Variants in RIF1 observed in about 807,000 individuals in gnomAD.
RIF1 encodes replication timing regulatory factor 1, also known as telomere-associated protein RIF1.
Under a neutral mutation model 247.1 loss-of-function variants are expected in RIF1, and 45 were observed. The ratio of observed to expected loss-of-function variants is 0.18; its 90% CI spans 0.14 to 0.23. The LOEUF (loss-of-function observed/expected upper bound fraction) is 0.23. RIF1 is among the 10% of genes least tolerant of loss of function. The probability of loss-of-function intolerance (pLI) is 1.00; values close to 1 mark genes in which losing one functional copy is unlikely to be tolerated. For synonymous variants in RIF1, 1,087 were observed against 978.8 expected (o/e 1.11, Z -2.06); for missense variants, 2,967 against 2,862.5 (o/e 1.04, Z -0.83).
At chr2:151,504,187 G>A (rs903603365) in intron 12 of RIF1, among the ~76,000 whole-genome samples, 25 of 152,080 alleles carry the variant, frequency 1.6e-4, no homozygotes, top group Non-Finnish European at 1.2e-4. Flanking sequence ...GGATTCCCTG[G>A]TGTATTAGTG....
chr2:151,521,821 T>G, the RIF1 span, among the ~76,000 whole-genome samples: 1 of 152,248 alleles, frequency 6.6e-6, no homozygotes, highest in Admixed American at 6.5e-5. Flanking sequence ...TGCAGCTTTT[T>G]ACAACTACTA....
chr2:151,410,173 C>T, intron 1 of RIF1, 140 bp downstream of exon 1: 1 of 648,218 alleles, frequency 1.5e-6, no homozygotes, highest in Non-Finnish European at 2.8e-6. Flanking sequence ...TGAAAGCTGC[C>T]CGGGAAAGTG....
At chr2:151,507,173 A>C in intron 13 of RIF1, 1 of 561,986 alleles carries the variant, frequency 1.8e-6, no homozygotes, top group Non-Finnish European at 3.1e-6. Context: ...ATTTGATAAG[A>C]ATTTTGTGGA....
At chr2:151,460,831 T>C (rs1194717450) in intron 26 of RIF1, among the ~76,000 whole-genome samples, 1 of 152,222 alleles carries the variant, frequency 6.6e-6, no homozygotes, top group African/African-American at 2.4e-5. Flanking sequence ...GCTGCAAATA[T>C]ACTCTCCTCC....
At chr2:151,412,867 C>G (rs1012870989) in intron 3 of RIF1, among the ~76,000 whole-genome samples, 1 of 152,118 alleles carries the variant, frequency 6.6e-6, no homozygotes, top group Non-Finnish European at 1.5e-5. Context: ...ACTGCCTACT[C>G]TTGGTGGTGT....
At position 151,465,257 on chromosome 2, in the gene RIF1, A is replaced by G. The variant is rs1342565404; in HGVS notation, c.5737A>G (p.Lys1913Glu). The G allele has an allele frequency of 6.2e-7, 1 of 1,611,184 alleles. No homozygotes were observed. The highest frequency in any genetic ancestry group is 1.3e-5 in the African/African-American group (1 of 74,696). Residue 1913 changes from lysine to glutamate, a missense_variant, in exon 30 of 36, where the codon AAA becomes GAA. By Grantham distance (56) the Lys-to-Glu change is moderately conservative. Around this residue, in one of 7 missense-constraint regions of RIF1, gnomAD observed 2,028 missense variants for 1,825.6 expected, o/e 1.11. Coordinates refer to ENST00000444746, the MANE Select transcript of RIF1 (RefSeq NM_018151.5). Reference protein sequence around the residue: ...ACKVTESNLEKAKTMELNVGN... With the variant: ...ACKVTESNLEEAKTMELNVGN... The stretch of plus-strand genomic sequence containing the variant: ...TAAAGTAACAGAATCCAATCTAGAG[A>G]AAGCAAAAACTATGGAATTGAATGT...
At chr2:151,412,694 G>C in intron 3 of RIF1, among the ~76,000 whole-genome samples, 1 of 152,064 alleles carries the variant, frequency 6.6e-6, no homozygotes, top group South Asian at 2.1e-4. Context: ...TGTTGACCAG[G>C]CTGATCTTGA....
intron 7 of RIF1, among the ~76,000 whole-genome samples, chr2:151,422,580 A>C (rs1477673762): frequency 6.6e-6 from 1 of 151,270 alleles, no homozygotes; most frequent in Non-Finnish European, 1.5e-5. Flanking sequence ...GCTCTCTGCA[A>C]CCTCCACCTC....
intron 25 of RIF1, 53 bp downstream of exon 25, chr2:151,458,963 T>C: frequency 9.2e-7 from 1 of 1,089,050 alleles, no homozygotes; most frequent in East Asian, 2.5e-5. Context: ...AAGTTATTTG[T>C]TGAAAGTTAT....
chr2:151,485,685 C>T, downstream of RIF1: 8 of 1,388,686 alleles, frequency 5.8e-6, no homozygotes, highest in African/African-American at 1.4e-5. Context: ...ACTTAGGTAA[C>T]AGTGGAGAGT....
intron 11 of RIF1, among the ~76,000 whole-genome samples, chr2:151,500,066 T>G (rs2063258365): frequency 6.6e-6 from 1 of 152,322 alleles, no homozygotes; most frequent in Admixed American, 6.5e-5. Flanking sequence ...TGAAAATCGT[T>G]GCAAGCCTTT....
chr2:151,524,510 C>G, the RIF1 span: 1 of 1,613,880 alleles, frequency 6.2e-7, no homozygotes, highest in Non-Finnish European at 8.5e-7. Flanking sequence ...TCATGACACC[C>G]TTACCTCACT....
rs753984498 is a variant in RIF1 at position 151,463,698 on chromosome 2, T to C, written c.4178T>C (p.Ile1393Thr). 3.1e-6 allele frequency: 5 copies of C among 1,613,808 alleles called. No homozygotes were observed. In the East Asian group the frequency reaches 1.1e-4, roughly 36 times the overall value. Residue 1393 changes from isoleucine (I) to threonine (T), a missense_variant, in exon 30 of 36, where the codon ATA (isoleucine) becomes ACA (threonine). This residue lies in a region of RIF1 where 2,028 missense variants were observed against 1,825.6 expected (regional missense o/e 1.11). Coordinates refer to ENST00000444746, the MANE Select transcript of RIF1 (RefSeq NM_018151.5). ...ESKENTPPVVISADQMVNEDS... is the reference protein window; with the variant it reads ...ESKENTPPVVTSADQMVNEDS... ...AAAGAGAATACACCCCCAGTAGTAATATCAGCAGATCAAATGGTAAATGAG... is the reference window on the plus strand; with the variant it reads ...AAAGAGAATACACCCCCAGTAGTAACATCAGCAGATCAAATGGTAAATGAG...
In RIF1 at chr2:151,469,698, C is replaced by A; in HGVS notation, c.6942-13C>A. On this transcript the variant is annotated splice_polypyrimidine_tract_variant and intron_variant, in intron 33 of 35. Coordinates refer to ENST00000444746, the MANE Select transcript of RIF1 (RefSeq NM_018151.5). ...ACTATATAATTATAATTTCCTGTTT[C>A]TGTTTTGTTTAGGGCAAGAGGCCTG... is the stretch of plus-strand genomic sequence containing the variant. The A allele has an allele frequency of 6.6e-7, 1 of 1,507,862 alleles. No homozygotes were observed. The highest frequency in any genetic ancestry group is 1.8e-4 in the Middle Eastern group (1 of 5,408). The allele number at this position is 1,507,862 out of a possible 1,614,324, so 93.4% of individuals were successfully genotyped here. A position where few individuals can be genotyped will look rare whatever the true frequency, so the allele number is the denominator to read the frequency against.
intron 9 of RIF1, chr2:151,493,848 AG>A: frequency 6.4e-7 from 1 of 1,572,992 alleles, no homozygotes; most frequent in Non-Finnish European, 8.6e-7. Flanking sequence ...TGCTTTCCCC[AG>A]GTTCTCTTTG....
At chr2:151,531,061 C>A in the RIF1 span, 3 of 1,613,474 alleles carry the variant, frequency 1.9e-6, no homozygotes, top group South Asian at 3.3e-5. Context: ...TGTGGTGTAG[C>A]CTCTGGGTTT....
At position 151,480,783 on chromosome 2, in the gene RIF1, T is replaced by C. The variant is rs928397386; in HGVS notation, c.*5712T>C. 6.6e-6 allele frequency: 1 copy of C among 152,166 alleles called. No homozygotes were observed. The highest frequency in any genetic ancestry group is 1.5e-5 in the Non-Finnish European group (1 of 68,020). The allele number at this position is 152,166 out of a possible 1,614,324, so 9.4% of individuals were successfully genotyped here. A position where few individuals can be genotyped will look rare whatever the true frequency, so the allele number is the denominator to read the frequency against. On this transcript the variant is annotated 3_prime_UTR_variant, in exon 36 of 36. Coordinates refer to ENST00000444746, the MANE Select transcript of RIF1 (RefSeq NM_018151.5). ...TAAAGAATTTTTTATTTTTATAGAA[T>C]AGGAAGTTTCTAAAAGAAAACAATT... is the stretch of plus-strand genomic sequence containing the variant.
At chr2:151,519,803 G>A in the RIF1 span, 1 of 1,384,604 alleles carries the variant, frequency 7.2e-7, no homozygotes, top group Non-Finnish European at 1.0e-6. Context: ...ATTATTCCTG[G>A]ACATCAATCA....
Position 151,461,236 on chromosome 2 carries a change from TGCAAAG to T in RIF1, c.3176_3181del (p.Ala1059_Lys1060del). On this transcript the variant is annotated inframe_deletion, in exon 27 of 36. Coordinates refer to ENST00000444746, the MANE Select transcript of RIF1 (RefSeq NM_018151.5). ...TGTTTATACCTCCAGAAGGAAAAGA[TGCAAAG>T]GAAAGAATATTAACTGATCATCAAA... 1 of 1,613,640 alleles carries T rather than the reference TGCAAAG, an allele frequency of 6.2e-7. No individual in the cohort carries two copies. The highest frequency in any genetic ancestry group is 8.5e-7 in the Non-Finnish European group (1 of 1,179,844).
Sources: gnomAD v4.1 joint callset for allele counts (sites outside exome capture counted in the v4.1 genomes callset) on GRCh38, gnomAD v4.1.1 for gene constraint, gnomAD v4.1.1 regional missense constraint, MANE v1.5 for transcripts, NCBI Gene and HGNC (gene_info 2026-07-23, HGNC 2026-07-21) for gene names.